TTLL8: variants seen among roughly 807,000 people sequenced by gnomAD.
The protein encoded by TTLL8 is tubulin tyrosine ligase like 8, also known as protein monoglycylase TTLL8.
TTLL8 carries 65 observed loss-of-function variants against 77.8 expected under a neutral mutation model. The ratio of observed to expected loss-of-function variants is 0.84; its 90% confidence interval spans 0.68 to 1.03. TTLL8 has a LOEUF of 1.03. Ranked by LOEUF, TTLL8 falls within the 50% of genes least tolerant of loss-of-function variation. TTLL8 has a pLI of 0.00. For synonymous variants in TTLL8, 402 were observed against 422.8 expected, an observed-to-expected ratio of 0.95 and a Z score of 0.60; for missense variants, 910 against 1,004.5, an observed-to-expected ratio of 0.91 and a Z score of 1.27.
upstream of TTLL8, among the ~76,000 whole-genome samples, chr22:50,057,914 C>T (rs963074252): frequency 6.7e-6 from 1 of 150,110 alleles, no homozygotes. Context: ...CGAGGGCGGG[C>T]GAGTGGGTAG....
upstream of TTLL8, chr22:50,055,336 G>T (rs1422166288): frequency 2.3e-6 from 3 of 1,289,634 alleles, no homozygotes; most frequent in Admixed American, 4.6e-5. Context: ...CTGCAAAAGA[G>T]AAGGAGGACA....
chr22:50,029,649 C>T (rs137900), intron 12 of TTLL8, among the ~76,000 whole-genome samples: 42,672 of 151,896 alleles, frequency 0.28, 6,923 homozygotes, highest in South Asian at 0.52. Flanking sequence ...GAGAATGGCG[C>T]GAACCCGGGA....
rs1045626575 is a variant in TTLL8, at chr22:50,028,418, C to G, written c.2203+2012G>C. Among the ~76,000 whole-genome samples, 16 of 152,334 alleles carry G rather than the reference C, an allele frequency of 1.1e-4. No individual in the cohort carries two copies. In the East Asian group the frequency reaches 1.7e-3, roughly 17 times the overall value. On this transcript the variant is annotated intron_variant, in intron 12 of 13. Transcript: ENST00000266182. ...ACGTCACTGGCCTTCCTGAGTGATCCCCACACCTGGGAATGTGCCCTGCGG... is the reference window on the plus strand; with the variant it reads ...ACGTCACTGGCCTTCCTGAGTGATCGCCACACCTGGGAATGTGCCCTGCGG...
At chr22:50,047,836 G>A (rs1263843546) in intron 3 of TTLL8, among the ~76,000 whole-genome samples, 1 of 152,196 alleles carries the variant, frequency 6.6e-6, no homozygotes, top group East Asian at 1.9e-4. Context: ...AGTGGCTCAC[G>A]CCTGTAATCC....
chr22:50,041,960 C>T lies in TTLL8; in HGVS notation c.644-153G>A, dbSNP rs1466713387. ...AGTATCCCAGATCCCCAGACAGGCA[C>T]CCCAATACCCAACCAAGCTTCTCTG... On this transcript the variant is annotated intron_variant, in intron 6 of 13. Coordinates refer to ENST00000266182, the Ensembl canonical transcript of TTLL8. This position sits in a 1 kb window ranked among gnomAD's most constrained non-coding sequence, Gnocchi z 4.3. 2.6e-5 allele frequency among the ~76,000 whole-genome samples: 4 copies of T among 152,202 alleles called. No individual in the cohort carries two copies. The highest frequency in any genetic ancestry group is 9.7e-5 in the African/African-American group (4 of 41,440).
At chr22:50,030,656 C>T in exon 12 of TTLL8, 1 of 1,280,866 alleles carries the variant, frequency 7.8e-7, no homozygotes, top group Non-Finnish European at 1.0e-6. Flanking sequence ...CTCCACCGCT[C>T]TCGGCTGCCC....
chr22:50,035,306 G>C (rs2061328430), intron 8 of TTLL8, among the ~76,000 whole-genome samples: 1 of 152,222 alleles, frequency 6.6e-6, no homozygotes, highest in African/African-American at 2.4e-5. Context: ...GGCCTGGGCT[G>C]GGGTGGGGAA....
At chr22:50,058,155 G>A (rs1354901066), upstream of TTLL8, among the ~76,000 whole-genome samples, 1 of 151,920 alleles carries the variant, frequency 6.6e-6, no homozygotes, top group Admixed American at 6.5e-5. The surrounding 1 kb of genome is among the most constrained non-coding windows in gnomAD (Gnocchi z 4.2). Context: ...CGTGCTCACC[G>A]GGGACCGGGT....
upstream of TTLL8, chr22:50,055,110 A>AGGGAGGAGGCTGCAGCTC: frequency 8.5e-7 from 1 of 1,171,260 alleles, no homozygotes; most frequent in Non-Finnish European, 1.1e-6. Flanking sequence ...AAGTCCCCAC[A>AGGGAGGAGGCTGCAGCTC]GGGAGGAGGC....
At chr22:50,027,051 T>C (rs1232738267) in intron 12 of TTLL8, among the ~76,000 whole-genome samples, 1 of 151,578 alleles carries the variant, frequency 6.6e-6, no homozygotes, top group Non-Finnish European at 1.5e-5. Flanking sequence ...CTGACCAATA[T>C]GATGAAACCC....
At chr22:50,019,987 T>C (rs1434029560) in intron 12 of TTLL8, among the ~76,000 whole-genome samples, 2 of 152,310 alleles carry the variant, frequency 1.3e-5, no homozygotes, top group Non-Finnish European at 2.9e-5. Context: ...ATAAAATTAG[T>C]AACAATCTGA....
At chr22:50,053,721 G>A (rs2061456374) in intron 1 of TTLL8, among the ~76,000 whole-genome samples, 4 of 152,210 alleles carry the variant, frequency 2.6e-5, no homozygotes, top group African/African-American at 7.2e-5. Flanking sequence ...TTTGGGACAG[G>A]GGTGGGGAAT....
intron 12 of TTLL8, chr22:50,027,739 T>C (rs1311905966): frequency 2.0e-6 from 2 of 985,256 alleles, no homozygotes; most frequent in East Asian, 1.1e-4. Context: ...AACGGTGCGG[T>C]TGCCTGACTG....
intron 3 of TTLL8, 159 bp downstream of exon 5, chr22:50,049,090 G>T: frequency 4.2e-6 from 4 of 956,734 alleles, no homozygotes; most frequent in Non-Finnish European, 5.0e-6. Context: ...GGGGCAGCCA[G>T]GCCCTGCTGC....
chr22:50,052,001 A>C (rs1158609495), intron 1 of TTLL8, among the ~76,000 whole-genome samples: 1 of 152,122 alleles, frequency 6.6e-6, no homozygotes, highest in African/African-American at 2.4e-5. Context: ...GTAGCTGGGA[A>C]CCCTGAGTCT....
intron 12 of TTLL8, among the ~76,000 whole-genome samples, chr22:50,021,056 A>G (rs552768007): frequency 7.5e-4 from 106 of 140,850 alleles, no homozygotes; most frequent in Non-Finnish European, 2.6e-4. Flanking sequence ...GCACTCCTCC[A>G]TCTGACCTGC....
rs1290292475 is a variant in TTLL8 at position 50,045,846 on chromosome 22, C to T, written c.508+10G>A. 1 of 1,337,070 alleles carries T rather than the reference C, an allele frequency of 7.5e-7. No individual in the cohort carries two copies. Among genetic ancestry groups the T allele is most frequent in the Admixed American group, 2.0e-5 (1 of 48,856 alleles). 82.8% of individuals were successfully genotyped at this position (1,337,070 alleles called of 1,614,324 possible). A position where few individuals can be genotyped will look rare whatever the true frequency, so the allele number is the denominator to read the frequency against. ...ACAGCACTGGGGCCCTCTGCCGTCT[C>T]CTCACTTACCCAGGAACTCCTGCTG... On this transcript the variant is annotated intron_variant, in intron 5 of 13. Transcript: ENST00000266182.
intron 2 of TTLL8, 36 bp from the exon 5 acceptor site, chr22:50,049,358 G>T: frequency 7.3e-7 from 1 of 1,366,788 alleles, no homozygotes. Flanking sequence ...TGAACATGAA[G>T]CCTCAGCCAG....
At chr22:50,047,019 C>T (rs2061416598) in intron 4 of TTLL8, 149 bp downstream of exon 6, 3 of 1,145,760 alleles carry the variant, frequency 2.6e-6, no homozygotes, top group Non-Finnish European at 3.4e-6. Flanking sequence ...CCGAGTGATT[C>T]TGGCCACGGC....
Sources: allele counts gnomAD v4.1 joint callset (sites outside exome capture counted in the v4.1 genomes callset), GRCh38; gene constraint gnomAD v4.1.1; non-coding constraint Gnocchi (gnomAD v3.1); transcripts MANE v1.5; gene names NCBI Gene and HGNC (gene_info 2026-07-23, HGNC 2026-07-21).